The following HS6ST3 variants were observed in gnomAD, a reference collection of about 807,000 sequenced individuals.
HS6ST3 encodes the protein heparan sulfate 6-O-sulfotransferase 3.
In HS6ST3, 12 loss-of-function variants were observed where a neutral mutation model predicts 36.7. The observed-to-expected ratio is 0.33, with a 90% CI of 0.21 to 0.53. HS6ST3 has a LOEUF of 0.53. Ranked by LOEUF, HS6ST3 falls within the 20% of genes least tolerant of loss-of-function variation. HS6ST3 has a pLI of 0.95. For missense variants in HS6ST3, 584 were observed against 640.9 expected (o/e 0.91, Z 0.96); for synonymous variants, 240 against 257.5 (o/e 0.93, Z 0.65).
intron 1 of HS6ST3, among the ~76,000 whole-genome samples, chr13:96,665,824 G>A (rs2056662322): frequency 6.6e-6 from 1 of 152,066 alleles, no homozygotes; most frequent in Non-Finnish European, 1.5e-5. Flanking sequence ...TATTACTCAT[G>A]GTAGCTCTAG....
chr13:96,165,182 A>G (rs1014536601), intron 1 of HS6ST3, among the ~76,000 whole-genome samples: 10 of 152,206 alleles, frequency 6.6e-5, no homozygotes, highest in African/African-American at 2.4e-4. Flanking sequence ...TTTAGGGGGA[A>G]TGTGAGCAGA....
chr13:96,581,000 T>C (rs994810107), intron 1 of HS6ST3, among the ~76,000 whole-genome samples: 10 of 152,148 alleles, frequency 6.6e-5, no homozygotes, highest in Non-Finnish European at 5.9e-5. Flanking sequence ...TGAGATAGAA[T>C]GGTTTAATAG....
rs368897620 is a variant in HS6ST3, at chr13:96,385,589, T to C, written c.707+294020T>C. Among the ~76,000 whole-genome samples the C allele has an allele frequency of 1.4e-4, 22 of 152,296 alleles. No homozygotes were observed. In the East Asian group the frequency reaches 4.1e-3, roughly 28 times the overall value. ...AAGTTACCTGCCCACTACAGATATT[T>C]ACAGAATTAGGAGGTTTGGACAATG... On this transcript the variant is annotated intron_variant, in intron 1 of 1. Coordinates refer to ENST00000376705, the MANE Select transcript of HS6ST3 (RefSeq NM_153456.4).
intron 1 of HS6ST3, among the ~76,000 whole-genome samples, chr13:96,142,494 A>G (rs1049391035): frequency 2.0e-5 from 3 of 152,192 alleles, no homozygotes; most frequent in Non-Finnish European, 4.4e-5. Flanking sequence ...CAGGTGTCTC[A>G]GCTCTCCACC....
intron 1 of HS6ST3, among the ~76,000 whole-genome samples, chr13:96,551,784 G>C (rs3904717): frequency 0.81 from 123,224 of 152,118 alleles, 51,087 homozygotes; most frequent in Non-Finnish European, 0.9. Flanking sequence ...ATCGCCACCC[G>C]CCGGAGCATA....
intron 1 of HS6ST3, among the ~76,000 whole-genome samples, chr13:96,385,566 G>C (rs1416995341): frequency 6.6e-6 from 1 of 152,198 alleles, no homozygotes; most frequent in African/African-American, 2.4e-5. Flanking sequence ...CCACAGAGAA[G>C]TTACCTGCCC....
chr13:96,166,811 G>A (rs1354043589), intron 1 of HS6ST3, among the ~76,000 whole-genome samples: 4 of 152,136 alleles, frequency 2.6e-5, no homozygotes, highest in South Asian at 4.2e-4. Context: ...TAATCCCCAC[G>A]TGTTATAGCA....
intron 1 of HS6ST3, among the ~76,000 whole-genome samples, chr13:96,693,476 G>A (rs1426154993): frequency 2.6e-5 from 4 of 152,006 alleles, no homozygotes; most frequent in Non-Finnish European, 1.5e-5. Context: ...AGCTAATTTT[G>A]TATTTTTATA....
Position 96,551,899 on chromosome 13 carries a change from A to G in HS6ST3, c.708-280591A>G, listed in dbSNP as rs575726421. Among the ~76,000 whole-genome samples, 4 of 152,346 alleles carry G rather than the reference A, an allele frequency of 2.6e-5. No individual in the cohort carries two copies. In the South Asian group the frequency reaches 8.3e-4, roughly 32 times the overall value. On this transcript the variant is annotated intron_variant, in intron 1 of 1. Coordinates refer to ENST00000376705, the MANE Select transcript of HS6ST3 (RefSeq NM_153456.4). ...TTCAGCTCTGTAATTTTAAGACTTCATAAATATAAAAATACTTACTTTTTA... is the reference window on the plus strand; with the variant it reads ...TTCAGCTCTGTAATTTTAAGACTTCGTAAATATAAAAATACTTACTTTTTA...
chr13:96,157,232 T>C (rs2054114747), intron 1 of HS6ST3, among the ~76,000 whole-genome samples: 1 of 152,208 alleles, frequency 6.6e-6, no homozygotes, highest in South Asian at 2.1e-4. Flanking sequence ...GTTTCTCCAG[T>C]TTTCAGTTTT....
intron 1 of HS6ST3, among the ~76,000 whole-genome samples, chr13:96,669,935 G>C (rs913448446): frequency 6.6e-6 from 1 of 152,068 alleles, no homozygotes; most frequent in African/African-American, 2.4e-5. Flanking sequence ...TGGAGTTCAG[G>C]AGACAAATAG....
intron 1 of HS6ST3, among the ~76,000 whole-genome samples, chr13:96,772,543 AT>A (rs777152836): frequency 2.0e-5 from 3 of 152,212 alleles, no homozygotes; most frequent in Non-Finnish European, 4.4e-5. Context: ...GGACTTATCT[AT>A]TGAAAAACTT....
At chr13:96,560,390 A>G (rs1461236013) in intron 1 of HS6ST3, among the ~76,000 whole-genome samples, 2 of 152,322 alleles carry the variant, frequency 1.3e-5, no homozygotes, top group Admixed American at 1.3e-4. Context: ...AAGAGGAGCC[A>G]TGTATGACAA....
intron 1 of HS6ST3, among the ~76,000 whole-genome samples, chr13:96,312,645 G>T (rs532905924): frequency 2.0e-5 from 3 of 152,010 alleles, no homozygotes; most frequent in Admixed American, 2.0e-4. Context: ...AGCTGTATAT[G>T]CATTTAGAAT....
intron 1 of HS6ST3, among the ~76,000 whole-genome samples, chr13:96,692,424 C>G (rs1414261173): frequency 2.0e-5 from 3 of 152,182 alleles, no homozygotes; most frequent in Admixed American, 1.3e-4. Flanking sequence ...AACTTTTTTT[C>G]CAGATATTTT....
At chr13:96,191,398 G>A (rs2054287937) in intron 1 of HS6ST3, among the ~76,000 whole-genome samples, 1 of 152,204 alleles carries the variant, frequency 6.6e-6, no homozygotes, top group Non-Finnish European at 1.5e-5. Flanking sequence ...TACAGTCCTT[G>A]TAGTTCTTTG....
At chr13:96,680,611 A>T (rs1446931542) in intron 1 of HS6ST3, among the ~76,000 whole-genome samples, 1 of 152,154 alleles carries the variant, frequency 6.6e-6, no homozygotes, top group Non-Finnish European at 1.5e-5. Context: ...TTTCGAAACC[A>T]TCATACTCCT....
At chr13:96,385,201 GA>G in intron 1 of HS6ST3, among the ~76,000 whole-genome samples, 1 of 134,636 alleles carries the variant, frequency 7.4e-6, no homozygotes, top group East Asian at 2.2e-4. Flanking sequence ...AAAAAGAAAA[GA>G]TTTTTTTCAA....
At chr13:96,571,792 G>A (rs1239397451) in intron 1 of HS6ST3, among the ~76,000 whole-genome samples, 1 of 152,178 alleles carries the variant, frequency 6.6e-6, no homozygotes, top group African/African-American at 2.4e-5. Context: ...AAGAGTCAAA[G>A]ATAGTTTGTA....
Sources: gnomAD v4.1 joint callset for allele counts (sites outside exome capture counted in the v4.1 genomes callset) on GRCh38, gnomAD v4.1.1 for gene constraint, MANE v1.5 for transcripts, NCBI Gene and HGNC (gene_info 2026-07-23, HGNC 2026-07-21) for gene names.